ADHFE1: variants seen among roughly 807,000 people sequenced by gnomAD.
ADHFE1 encodes the protein alcohol dehydrogenase iron containing 1.
ADHFE1 carries 37 observed loss-of-function variants against 54.8 expected under a neutral mutation model. The ratio of observed to expected loss-of-function variants is 0.68; its 90% CI spans 0.52 to 0.89. The LOEUF (loss-of-function observed/expected upper bound fraction) is 0.89. Ranked by LOEUF, ADHFE1 falls within the 40% of genes least tolerant of loss-of-function variation. The pLI, the probability that ADHFE1 is intolerant of heterozygous loss-of-function variation, is 0.00. For synonymous variants in ADHFE1, 203 were observed against 229.3 expected (o/e 0.89, Z 1.04); for missense variants, 601 against 591.2 (o/e 1.02, Z -0.17).
chr8:66,435,610 T>A (rs2130329520), intron 1 of ADHFE1, among the ~76,000 whole-genome samples: 1 of 136,890 alleles, frequency 7.3e-6, no homozygotes, highest in East Asian at 2.1e-4. Flanking sequence ...GATTTTTTTT[T>A]TTTTTTTTTT....
chr8:66,466,548 G>A (rs1807198650), intron 13 of ADHFE1, among the ~76,000 whole-genome samples: 1 of 66,800 alleles, frequency 1.5e-5, no homozygotes, highest in Non-Finnish European at 2.7e-5. Context: ...CCTTTTACCA[G>A]ACAAAACAAA....
At chr8:66,441,329 TG>T (rs1012555934) in intron 2 of ADHFE1, among the ~76,000 whole-genome samples, 3 of 152,198 alleles carry the variant, frequency 2.0e-5, no homozygotes, top group Admixed American at 1.3e-4. Flanking sequence ...CTCAAACTCC[TG>T]GGCTATCCTA....
At chr8:66,455,655 G>A (rs1348399246) in intron 10 of ADHFE1, among the ~76,000 whole-genome samples, 4 of 152,218 alleles carry the variant, frequency 2.6e-5, no homozygotes, top group Non-Finnish European at 5.9e-5. Context: ...AGTGGCTCAC[G>A]CCTCTAATCC....
chr8:66,433,135 T>C (rs1426316514), intron 1 of ADHFE1, among the ~76,000 whole-genome samples: 2 of 152,158 alleles, frequency 1.3e-5, no homozygotes, highest in Admixed American at 6.5e-5. Flanking sequence ...ATGACACGCC[T>C]GCCTCCCAGC....
chr8:66,444,526 G>A (rs776127081), intron 4 of ADHFE1, 68 bp from the exon 5 acceptor site: 7 of 1,608,116 alleles, frequency 4.4e-6, no homozygotes, highest in East Asian at 2.2e-5. Flanking sequence ...AATGTACAAC[G>A]TGAGTTTGCC....
chr8:66,435,418 C>T lies in ADHFE1; in HGVS notation c.59+2843C>T, dbSNP rs142734156. Among the ~76,000 whole-genome samples, 47 of 152,164 alleles carry T rather than the reference C, an allele frequency of 3.1e-4. No individual in the cohort carries two copies. In the East Asian group the frequency reaches 8.1e-3, roughly 26 times the overall value. ...ACTTGCTTTTTTCCAGCTTCTAGAGCTCTACCTTCGGTTCCTTAGCTTGTG... is the reference window on the plus strand; with the variant it reads ...ACTTGCTTTTTTCCAGCTTCTAGAGTTCTACCTTCGGTTCCTTAGCTTGTG... On this transcript the variant is annotated intron_variant, in intron 1 of 13. Coordinates refer to ENST00000396623, the MANE Select transcript of ADHFE1 (RefSeq NM_144650.3).
chr8:66,447,288 G>A lies in ADHFE1; in HGVS notation c.575G>A (p.Ser192Asn), dbSNP rs758710831. 11 of 1,613,434 alleles carry A rather than the reference G, an allele frequency of 6.8e-6. No homozygotes were observed. Among genetic ancestry groups the A allele is most frequent in the Non-Finnish European group, 8.5e-6 (10 of 1,179,614 alleles). ...GTGCCAACTACCTCAGGAACCGGGA[G>A]TGAAACTACTGGGGTTGCCATTTTT... Reference protein sequence around the residue: ...IAVPTTSGTGSETTGVAIFDY... With the variant: ...IAVPTTSGTGNETTGVAIFDY... The change falls in exon 7 of 14, where the codon AGT becomes AAT. Residue 192 changes from serine to asparagine, a missense_variant. Ser to Asn is a conservative substitution (Grantham distance 46). Transcript: ENST00000396623.
intron 9 of ADHFE1, chr8:66,453,624 T>G: frequency 8.5e-7 from 1 of 1,174,678 alleles, no homozygotes; most frequent in African/African-American, 1.6e-5. Flanking sequence ...CCCCAGTGGG[T>G]CCAGTGGGAG....
intron 10 of ADHFE1, among the ~76,000 whole-genome samples, chr8:66,454,963 C>T (rs961488386): frequency 1.2e-4 from 18 of 152,080 alleles, no homozygotes; most frequent in African/African-American, 3.4e-4. Context: ...GTTATCCACC[C>T]GCCTCCACCC....
chr8:66,435,601 ATTTTTTTTTTTTT>A (rs533571994), intron 1 of ADHFE1, among the ~76,000 whole-genome samples: 4 of 78,258 alleles, frequency 5.1e-5, no homozygotes, highest in Non-Finnish European at 6.7e-5. Flanking sequence ...TCATTTCAAG[ATTTTTTTTTTTTT>A]TTTTTTTTTT....
chr8:66,460,420 C>T lies in ADHFE1; in HGVS notation c.1275C>T (p.Tyr425=), dbSNP rs1247508013. 1.2e-6 allele frequency: 2 copies of T among 1,611,446 alleles called. No individual in the cohort carries two copies. The change falls in exon 13 of 14, where the codon TAC becomes TAT. Residue 425 remains tyrosine (Y), a synonymous_variant. Coordinates refer to ENST00000396623, the MANE Select transcript of ADHFE1 (RefSeq NM_144650.3). The part of the protein sequence containing the change: ...DVDDGLAAVG[Y]SKADIPALVK... Reference sequence around the variant, plus strand: ...ATGATGGCCTAGCAGCTGTTGGTTACTCCAAAGCTGATATCCCCGCACTAG... The same window carrying T: ...ATGATGGCCTAGCAGCTGTTGGTTATTCCAAAGCTGATATCCCCGCACTAG...
chr8:66,437,825 C>G (rs1805545009), intron 1 of ADHFE1, among the ~76,000 whole-genome samples: 1 of 152,066 alleles, frequency 6.6e-6, no homozygotes. Flanking sequence ...GAGGGAGGCT[C>G]CAGAAAGGGT....
chr8:66,432,981 C>A, intron 1 of ADHFE1: 2 of 894,162 alleles, frequency 2.2e-6, no homozygotes, highest in South Asian at 5.2e-5. Context: ...GGCTCTGGAG[C>A]AGTTTGAGGT....
intron 1 of ADHFE1, among the ~76,000 whole-genome samples, chr8:66,433,188 G>C (rs1225234160): frequency 6.6e-6 from 1 of 152,226 alleles, no homozygotes; most frequent in African/African-American, 2.4e-5. Context: ...AATACTTGCT[G>C]ACTGTGCAAG....
intron 10 of ADHFE1, among the ~76,000 whole-genome samples, chr8:66,456,163 A>G (rs1806575068): frequency 6.6e-6 from 1 of 152,178 alleles, no homozygotes; most frequent in Admixed American, 6.5e-5. Flanking sequence ...ATTTTTCAGT[A>G]AAAACAAAAA....
chr8:66,459,610 A>G (rs1806790670), intron 12 of ADHFE1: 1 of 151,822 alleles, frequency 6.6e-6, no homozygotes, highest in Admixed American at 6.6e-5. Flanking sequence ...ATCTTCTTTC[A>G]TCAATACCAT....
At chr8:66,466,832 G>A (rs1807217491) in intron 13 of ADHFE1, among the ~76,000 whole-genome samples, 1 of 152,180 alleles carries the variant, frequency 6.6e-6, no homozygotes, top group Non-Finnish European at 1.5e-5. Flanking sequence ...CAGAGGGGAA[G>A]GGCCCTGAGG....
chr8:66,461,645 C>T (rs1198642432), intron 13 of ADHFE1, among the ~76,000 whole-genome samples: 4 of 151,832 alleles, frequency 2.6e-5, no homozygotes, highest in Admixed American at 2.0e-4. Context: ...AAGCACGTGA[C>T]CCATCTAACT....
At position 66,463,612 on chromosome 8, in the gene ADHFE1, T is replaced by C. The variant is rs549093482; in HGVS notation, c.1320+3147T>C. On this transcript the variant is annotated intron_variant, in intron 13 of 13. Coordinates refer to ENST00000396623, the MANE Select transcript of ADHFE1 (RefSeq NM_144650.3). ...ATGAATAACTACTATGGAATTTTGT[T>C]TGTTTGTTTGATGGCAGTGACTGTT... Among the ~76,000 whole-genome samples the C allele has an allele frequency of 4.5e-4, 68 of 152,282 alleles. No homozygotes were observed. In the South Asian group the frequency reaches 0.013, roughly 30 times the overall value.
Sources: gnomAD v4.1 joint callset for allele counts (sites outside exome capture counted in the v4.1 genomes callset) on GRCh38, gnomAD v4.1.1 for gene constraint, MANE v1.5 for transcripts, NCBI Gene and HGNC (gene_info 2026-07-23, HGNC 2026-07-21) for gene names.